Variants in COL5A1 observed in about 807,000 individuals in gnomAD.
The protein encoded by COL5A1 is collagen alpha-1(V) chain.
COL5A1 carries 16 observed loss-of-function variants against 263.7 expected under a neutral mutation model. That is an observed-to-expected ratio of 0.06 (90% CI 0.04 to 0.09). The LOEUF (loss-of-function observed/expected upper bound fraction) is 0.09. COL5A1 is among the 10% of genes least tolerant of loss of function. The probability of loss-of-function intolerance (pLI) is 1.00; values close to 1 mark genes in which losing one functional copy is unlikely to be tolerated. For synonymous variants in COL5A1, 1,012 were observed against 1,004.5 expected (o/e 1.01, Z -0.14); for missense variants, 2,036 against 2,540.5 (o/e 0.80, Z 4.27).
In COL5A1 at chr9:134,809,097, C is replaced by T. The variant is rs62571406; in HGVS notation, c.3367-86C>T. The T allele has an allele frequency of 0.023, 26,402 of 1,169,392 alleles. 337 individuals carry two copies. The highest frequency in any genetic ancestry group is 0.034 in the East Asian group (1,347 of 39,152). The allele number at this position is 1,169,392 out of a possible 1,614,324, so 72.4% of individuals were successfully genotyped here. On this transcript the variant is annotated intron_variant, in intron 42 of 65. Transcript: ENST00000371817. The stretch of plus-strand genomic sequence containing the variant: ...CTCACCAACTCCCACTTCCTGCCAG[C>T]GGATCCCTCTCTTGGGTAATGAGCT...
intron 28 of COL5A1, among the ~76,000 whole-genome samples, chr9:134,781,647 C>T (rs72774454): frequency 0.02 from 3,102 of 152,266 alleles, 33 homozygotes; most frequent in East Asian, 0.035. Context: ...GCACTGTTCC[C>T]GAGGGCCACG....
In COL5A1 at chr9:134,823,465, C is replaced by A; in HGVS notation, c.4694C>A (p.Pro1565His). 1 of 1,614,192 alleles carries A rather than the reference C, an allele frequency of 6.2e-7. No homozygotes were observed. Among genetic ancestry groups the A allele is most frequent in the Middle Eastern group, 1.6e-4 (1 of 6,062 alleles). The change falls in exon 61 of 66, where the codon CCC becomes CAC. Residue 1565 changes from proline (P) to histidine (H), a missense_variant. By Grantham distance (77) the Pro-to-His change is moderately conservative (BLOSUM62 -2). Coordinates refer to ENST00000371817, the MANE Select transcript of COL5A1 (RefSeq NM_000093.5). ...GCAGGCCACCCAGGACCCCCAGGCC[C>A]CCCGGTAAGTAGCCCTTGAAGCCCA... is the stretch of plus-strand genomic sequence containing the variant. ...GEAGHPGPPGPPGPPGEVIQP... is the reference protein window; with the variant it reads ...GEAGHPGPPGHPGPPGEVIQP...
rs764693725 is a variant in COL5A1, at chr9:134,801,982, G to GC, written c.2988dup (p.Gly997ArgfsTer17). The GC allele has an allele frequency of 8.7e-6, 14 of 1,613,146 alleles. No individual in the cohort carries two copies. On this transcript the variant is annotated frameshift_variant, in exon 38 of 66. Transcript: ENST00000371817. LOFTEE classifies it high-confidence loss of function. ...TTCCAAGGCAAGACCGGCCCTCCAG[G>GC]CCCCCCCGGCGTGGTCGGCCCTCAG...
At chr9:134,806,998 G>A (rs939083532) in intron 42 of COL5A1, among the ~76,000 whole-genome samples, 3 of 152,154 alleles carry the variant, frequency 2.0e-5, no homozygotes, top group Non-Finnish European at 4.4e-5. Flanking sequence ...AAGGAGATGA[G>A]CGAGCGCCCT....
intron 4 of COL5A1, among the ~76,000 whole-genome samples, chr9:134,725,839 T>G (rs7869554): frequency 0.49 from 74,272 of 152,048 alleles, 18,540 homozygotes; most frequent in Admixed American, 0.64. Context: ...CACACTCTGT[T>G]TATCCATTTA....
chr9:134,693,594 G>T (rs1044428121), intron 2 of COL5A1, among the ~76,000 whole-genome samples: 3 of 152,148 alleles, frequency 2.0e-5, no homozygotes, highest in Admixed American at 2.0e-4. Flanking sequence ...AAAGTGTTGG[G>T]TTGGGACCTG....
intron 4 of COL5A1, among the ~76,000 whole-genome samples, chr9:134,701,581 G>A (rs568609450): frequency 1.5e-3 from 227 of 152,336 alleles, no homozygotes; most frequent in African/African-American, 5.2e-3. Flanking sequence ...TTGTCCCAAG[G>A]GCCCAGTACG....
At chr9:134,673,434 T>TG (rs1403322324) in intron 1 of COL5A1, among the ~76,000 whole-genome samples, 1 of 142,224 alleles carries the variant, frequency 7.0e-6, no homozygotes, top group African/African-American at 2.6e-5. Context: ...CACTCCAGCC[T>TG]GGGCAATATG....
rs772211603 is a variant in COL5A1, at chr9:134,780,150, A to G, written c.2430+4A>G. 1.2e-6 allele frequency: 2 copies of G among 1,613,288 alleles called. No individual in the cohort carries two copies. Among genetic ancestry groups the G allele is most frequent in the Non-Finnish European group, 8.5e-7 (1 of 1,180,004 alleles). ...GAAGGGCACAAAGGGCGAGAAGGTA[A>G]GTCTCTCCTTGCAGCCACGGGGCCC... On this transcript the variant is annotated splice_donor_region_variant and intron_variant, in intron 28 of 65. Coordinates refer to ENST00000371817, the MANE Select transcript of COL5A1 (RefSeq NM_000093.5).
chr9:134,703,528 G>C (rs1239350809), intron 4 of COL5A1, among the ~76,000 whole-genome samples: 1 of 152,078 alleles, frequency 6.6e-6, no homozygotes, highest in Non-Finnish European at 1.5e-5. Context: ...GGAGGTTCTG[G>C]GCTTGGCCTG....
At chr9:134,648,306 T>C (rs563033997) in intron 1 of COL5A1, among the ~76,000 whole-genome samples, 1 of 97,006 alleles carries the variant, frequency 1.0e-5, no homozygotes, top group African/African-American at 5.3e-5. Flanking sequence ...ATATATATAA[T>C]ATATATATAT....
rs377231788 is a variant in COL5A1 at position 134,837,665 on chromosome 9, C to T, written c.5370+2461C>T. Among the ~76,000 whole-genome samples the T allele has an allele frequency of 3.8e-4, 57 of 151,738 alleles. 1 individual carries two copies. The highest frequency in any genetic ancestry group is 1.1e-3 in the African/African-American group (44 of 41,292). ...ATTCCACAAGCAGAGAGGGCTCTTG[C>T]TCAGCCCAGTGTCTCCCGGTGATGA... On this transcript the variant is annotated intron_variant, in intron 65 of 65. Coordinates refer to ENST00000371817, the MANE Select transcript of COL5A1 (RefSeq NM_000093.5).
At chr9:134,819,074 C>A (rs1838887400) in intron 57 of COL5A1, 21 bp downstream of exon 57, 3 of 1,612,478 alleles carry the variant, frequency 1.9e-6, no homozygotes, top group Non-Finnish European at 2.5e-6. Context: ...CCTCCCTGCC[C>A]CAGCAACTGT....
At chr9:134,695,467 C>T (rs534717768) in intron 2 of COL5A1, among the ~76,000 whole-genome samples, 37 of 152,224 alleles carry the variant, frequency 2.4e-4, no homozygotes, top group African/African-American at 5.5e-4. Context: ...GTGGCAGGGA[C>T]GGCCGAACAG....
At chr9:134,697,625 CCA>C (rs1474100830) in intron 2 of COL5A1, among the ~76,000 whole-genome samples, 9 of 152,260 alleles carry the variant, frequency 5.9e-5, no homozygotes, top group African/African-American at 2.2e-4. Flanking sequence ...AGGTGAGACC[CCA>C]CCTGGCCCTC....
chr9:134,760,232 A>G (rs111207699), intron 18 of COL5A1, among the ~76,000 whole-genome samples: 5,373 of 106,660 alleles, frequency 0.05, 454 homozygotes, highest in East Asian at 0.16. Context: ...CCACATGCAC[A>G]CACACGCATA....
rs563795240 is a variant in COL5A1 at position 134,824,593 on chromosome 9, C to T, written c.4699-7C>T. On this transcript the variant is annotated splice_polypyrimidine_tract_variant and splice_region_variant and intron_variant, in intron 61 of 65. Transcript: ENST00000371817. ...TCACCCACCGCTGCTCCTGTTCTGT[C>T]CCCCAGGGCCCCCCGGGAGAGGTCA... The T allele has an allele frequency of 4.3e-6, 7 of 1,613,870 alleles. No homozygotes were observed. The South Asian group carries it at 7.7e-5, about 18-fold the overall frequency.
In COL5A1 at chr9:134,824,715, C is replaced by T. The variant is rs145175057; in HGVS notation, c.4814C>T (p.Ala1605Val). The change falls in exon 62 of 66, where the codon GCG (alanine) becomes GTG (valine). Residue 1605 changes from alanine (A) to valine (V), a missense_variant. By Grantham distance (64) the Ala-to-Val change is moderately conservative (BLOSUM62 0). This residue lies in a region of COL5A1 where 358 missense variants were observed against 384.6 expected (regional missense o/e 0.93). Coordinates refer to ENST00000371817, the MANE Select transcript of COL5A1 (RefSeq NM_000093.5). ...AATGGCGAGAACTACGTGGACTACG[C>T]GGACGGCATGGAAGAGATCTTCGGC... ...DGNGENYVDYADGMEEIFGSL... is the reference protein window; with the variant it reads ...DGNGENYVDYVDGMEEIFGSL... 6.7e-5 allele frequency: 108 copies of T among 1,614,198 alleles called. No individual in the cohort carries two copies. In the African/African-American group the frequency reaches 1.1e-3, roughly 16 times the overall value.
intron 1 of COL5A1, among the ~76,000 whole-genome samples, chr9:134,648,657 C>G (rs980747803): frequency 1.3e-5 from 2 of 152,284 alleles, no homozygotes; most frequent in African/African-American, 4.8e-5. Flanking sequence ...CACCAGGGGC[C>G]CCAGTGCAGC....
Sources: allele counts gnomAD v4.1 joint callset (sites outside exome capture counted in the v4.1 genomes callset), GRCh38; gene constraint gnomAD v4.1.1; regional missense constraint gnomAD v4.1.1; transcripts MANE v1.5; gene names NCBI Gene and HGNC (gene_info 2026-07-23, HGNC 2026-07-21).